The following ZFHX3 variants were observed in gnomAD, a reference collection of about 807,000 sequenced individuals.
ZFHX3 encodes zinc finger homeobox protein 3.
ZFHX3 carries 42 observed loss-of-function variants against 279.1 expected under a neutral mutation model. The observed-to-expected ratio is 0.15, with a 90% confidence interval of 0.12 to 0.19. The LOEUF is 0.19. Among genes scored for constraint, ZFHX3 ranks in the 10% least tolerant of loss-of-function variants. The pLI, the probability that ZFHX3 is intolerant of heterozygous loss-of-function variation, is 1.00. For missense variants in ZFHX3, 4,981 were observed against 4,754.0 expected (o/e 1.05, Z -1.40); for synonymous variants, 2,293 against 1,957.8 (o/e 1.17, Z -4.52).
chr16:73,137,064 T>C (rs531043623), intron 6 of ZFHX3, among the ~76,000 whole-genome samples: 4 of 152,260 alleles, frequency 2.6e-5, no homozygotes, highest in Non-Finnish European at 5.9e-5. Context: ...GGAACTGTCT[T>C]GAAATTTCTT....
At chr16:73,260,447 G>T (rs77613369) in intron 4 of ZFHX3, among the ~76,000 whole-genome samples, 2 of 152,032 alleles carry the variant, frequency 1.3e-5, no homozygotes, top group South Asian at 4.2e-4. Context: ...TTTGATGCAC[G>T]CTTGGCCAGT....
intron 3 of ZFHX3, among the ~76,000 whole-genome samples, chr16:73,450,801 T>C (rs62044968): frequency 0.11 from 16,272 of 152,266 alleles, 1,251 homozygotes; most frequent in East Asian, 0.26. Flanking sequence ...CCTTCCCTCA[T>C]CTTTCTTACA....
chr16:73,720,855 C>G (rs1444750808), intron 1 of ZFHX3, among the ~76,000 whole-genome samples: 2 of 152,132 alleles, frequency 1.3e-5, no homozygotes, highest in Non-Finnish European at 1.5e-5. Flanking sequence ...TTTTTGTTCT[C>G]CTTGTTCAGA....
chr16:73,373,741 T>G (rs1477639647), intron 3 of ZFHX3, among the ~76,000 whole-genome samples: 1 of 152,164 alleles, frequency 6.6e-6, no homozygotes, highest in Non-Finnish European at 1.5e-5. Context: ...GTTCAGAAAT[T>G]TACAAAGAGG....
intron 4 of ZFHX3, among the ~76,000 whole-genome samples, chr16:72,833,570 C>T (rs1279768953): frequency 6.6e-6 from 1 of 152,138 alleles, no homozygotes; most frequent in Non-Finnish European, 1.5e-5. Flanking sequence ...CTGAAACAGA[C>T]AAATCAAAAC....
chr16:73,604,904 G>A (rs28707063), intron 2 of ZFHX3, among the ~76,000 whole-genome samples: 5,528 of 152,106 alleles, frequency 0.036, 351 homozygotes, highest in African/African-American at 0.13. Flanking sequence ...GGTAGACTGA[G>A]GCAGAAGAAA....
At chr16:73,103,401 C>T (rs976095537) in intron 7 of ZFHX3, among the ~76,000 whole-genome samples, 1 of 152,188 alleles carries the variant, frequency 6.6e-6, no homozygotes, top group African/African-American at 2.4e-5. Context: ...TGCGCTCACA[C>T]CTCTAGGCCT....
intron 3 of ZFHX3, among the ~76,000 whole-genome samples, chr16:73,348,760 G>A (rs552698865): frequency 1.3e-5 from 2 of 152,182 alleles, no homozygotes; most frequent in East Asian, 1.9e-4. Context: ...GGTTAAAGAC[G>A]GGAAAGTTCC....
At chr16:73,125,825 T>C (rs902714756) in intron 7 of ZFHX3, among the ~76,000 whole-genome samples, 18 of 151,740 alleles carry the variant, frequency 1.2e-4, no homozygotes, top group African/African-American at 2.7e-4. Flanking sequence ...TGCATATATA[T>C]ACACACACAC....
chr16:73,350,213 G>A (rs1038853621), intron 3 of ZFHX3, among the ~76,000 whole-genome samples: 4 of 152,078 alleles, frequency 2.6e-5, no homozygotes, highest in African/African-American at 7.2e-5. Flanking sequence ...TTTCCCTGAT[G>A]ATTACCTTCT....
Position 72,788,477 on chromosome 16 carries a change from C to T in ZFHX3, c.9799G>A (p.Ala3267Thr). ...PKKEKGEAPT[A>T]TAATISAPLP... is the part of the protein sequence containing the mutation. ...GGGGCTGAGATCGTGGCTGCAGTTG[C>T]CGTGGGGGCCTCTCCTTTCTCCTTC... The change falls in exon 10 of 10, where the codon GCA becomes ACA. Residue 3267 changes from alanine (A) to threonine (T), a missense_variant. By Grantham distance (58) the Ala-to-Thr change is moderately conservative. Coordinates refer to ENST00000268489, the MANE Select transcript of ZFHX3 (RefSeq NM_006885.4). 1 of 1,614,164 alleles carries T rather than the reference C, an allele frequency of 6.2e-7. No individual in the cohort carries two copies. Among genetic ancestry groups the T allele is most frequent in the Non-Finnish European group, 8.5e-7 (1 of 1,180,030 alleles).
At chr16:72,816,637 T>A (rs2036614505) in intron 5 of ZFHX3, among the ~76,000 whole-genome samples, 1 of 152,136 alleles carries the variant, frequency 6.6e-6, no homozygotes, top group Non-Finnish European at 1.5e-5. Flanking sequence ...GTTATGGAGT[T>A]CAGAAAATTC....
intron 2 of ZFHX3, chr16:73,554,811 G>A (rs2020250613): frequency 6.6e-6 from 1 of 152,134 alleles, no homozygotes; most frequent in East Asian, 1.9e-4. Context: ...CACCTAGGAA[G>A]GTACAGCTTC....
intron 1 of ZFHX3, among the ~76,000 whole-genome samples, chr16:73,044,439 T>C (rs1405705747): frequency 6.6e-6 from 1 of 152,230 alleles, no homozygotes; most frequent in Admixed American, 6.5e-5. Context: ...GCACATACTG[T>C]ACTTCTTCAG....
chr16:73,096,351 C>T (rs1966163768), intron 7 of ZFHX3, among the ~76,000 whole-genome samples: 1 of 151,502 alleles, frequency 6.6e-6, no homozygotes, highest in African/African-American at 2.4e-5. Context: ...CTGCACATTT[C>T]CTAAACCAAT....
At chr16:73,563,177 TG>T (rs2020399014) in intron 2 of ZFHX3, among the ~76,000 whole-genome samples, 1 of 15,136 alleles carries the variant, frequency 6.6e-5, no homozygotes, top group Non-Finnish European at 2.4e-4. Flanking sequence ...TTGTTGTGTG[TG>T]TGTGTGTGTG....
intron 3 of ZFHX3, among the ~76,000 whole-genome samples, chr16:72,944,876 T>C (rs1960588718): frequency 6.6e-6 from 1 of 151,972 alleles, no homozygotes; most frequent in South Asian, 2.1e-4. Flanking sequence ...TAAAAGCATT[T>C]AGAAAAAAGA....
intron 4 of ZFHX3, among the ~76,000 whole-genome samples, chr16:72,889,038 A>G (rs2038700457): frequency 6.9e-6 from 1 of 144,094 alleles, no homozygotes; most frequent in South Asian, 2.5e-4. Flanking sequence ...TGAAGTCCCT[A>G]TGGAAGGCGG....
intron 2 of ZFHX3, among the ~76,000 whole-genome samples, chr16:73,637,021 C>T: frequency 6.6e-6 from 1 of 151,542 alleles, no homozygotes; most frequent in East Asian, 1.9e-4. Flanking sequence ...TATACAAGTA[C>T]AATAATTAAA....
Sources: gnomAD v4.1 joint callset for allele counts (sites outside exome capture counted in the v4.1 genomes callset) on GRCh38, gnomAD v4.1.1 for gene constraint, MANE v1.5 for transcripts, NCBI Gene and HGNC (gene_info 2026-07-23, HGNC 2026-07-21) for gene names.